Variants in EXOC6B observed in about 807,000 individuals in gnomAD.
The protein encoded by EXOC6B is SEC15 homolog B.
In EXOC6B, 54 loss-of-function variants were observed where a neutral mutation model predicts 113.5. That is an observed-to-expected ratio of 0.48 (90% confidence interval 0.38 to 0.60). EXOC6B has a LOEUF of 0.60. Among genes scored for constraint, EXOC6B ranks in the 20% least tolerant of loss-of-function variants. The pLI, the probability that EXOC6B is intolerant of heterozygous loss-of-function variation, is 0.00. For missense variants in EXOC6B, 797 were observed against 977.5 expected, an observed-to-expected ratio of 0.82 and a Z score of 2.46; for synonymous variants, 357 against 339.0, an observed-to-expected ratio of 1.05 and a Z score of -0.58.
chr2:72,762,247 A>C (rs1012562616), intron 1 of EXOC6B, among the ~76,000 whole-genome samples: 1 of 151,436 alleles, frequency 6.6e-6, no homozygotes, highest in African/African-American at 2.4e-5. Context: ...CGTCTCAAAA[A>C]AAAAAAAAAA....
chr2:72,510,594 G>T (rs959351290), intron 11 of EXOC6B, among the ~76,000 whole-genome samples: 4 of 151,154 alleles, frequency 2.6e-5, no homozygotes, highest in Non-Finnish European at 1.5e-5. Flanking sequence ...AACACAGCAT[G>T]TTCCTACTTA....
intron 1 of EXOC6B, among the ~76,000 whole-genome samples, chr2:72,769,931 C>T (rs933646818): frequency 5.3e-5 from 8 of 152,100 alleles, no homozygotes; most frequent in African/African-American, 1.4e-4. Context: ...TTCTCCACAG[C>T]AACATTGAAC....
chr2:72,301,204 A>G (rs1413403178), intron 20 of EXOC6B, among the ~76,000 whole-genome samples: 2 of 152,140 alleles, frequency 1.3e-5, no homozygotes, highest in Non-Finnish European at 2.9e-5. Flanking sequence ...CTACTTGATC[A>G]TGGTGGATTA....
At chr2:72,702,265 G>A (rs1183156460) in intron 6 of EXOC6B, among the ~76,000 whole-genome samples, 6 of 150,846 alleles carry the variant, frequency 4.0e-5, no homozygotes, top group African/African-American at 1.5e-4. Context: ...CATTTTTTAT[G>A]GCTACATAGT....
intron 20 of EXOC6B, among the ~76,000 whole-genome samples, chr2:72,298,851 C>A (rs922579510): frequency 5.3e-5 from 8 of 152,176 alleles, no homozygotes; most frequent in African/African-American, 1.9e-4. Flanking sequence ...GCAGAGAGAT[C>A]CGCTGTTAGT....
At position 72,215,921 on chromosome 2, in the gene EXOC6B, G is replaced by A. The variant is rs1361698452; in HGVS notation, c.2197-31734C>T. On this transcript the variant is annotated intron_variant, in intron 20 of 21. Transcript: ENST00000272427. ...TAGGCTGCTGAGGAAAGAAAGGGCA[G>A]CAAACCCTATTGCCTTCAGGGCACA... Among the ~76,000 whole-genome samples, 5 of 152,234 alleles carry A rather than the reference G, an allele frequency of 3.3e-5. 1 individual carries two copies. Among genetic ancestry groups the A allele is most frequent in the Admixed American group, 3.3e-4 (5 of 15,288 alleles).
chr2:72,562,537 A>G (rs993734048), intron 7 of EXOC6B, among the ~76,000 whole-genome samples: 1 of 152,096 alleles, frequency 6.6e-6, no homozygotes, highest in Non-Finnish European at 1.5e-5. Context: ...GCTAACAATA[A>G]CTTTCTAATG....
At chr2:72,487,343 T>C (rs1280474310) in intron 16 of EXOC6B, among the ~76,000 whole-genome samples, 4 of 118,066 alleles carry the variant, frequency 3.4e-5, no homozygotes, top group Non-Finnish European at 5.5e-5. Context: ...ACTGACAGTT[T>C]TTTGTTTTGT....
At chr2:72,406,696 T>A (rs945503291) in intron 18 of EXOC6B, among the ~76,000 whole-genome samples, 15 of 152,104 alleles carry the variant, frequency 9.9e-5, no homozygotes, top group African/African-American at 3.6e-4. Flanking sequence ...TGGGACACAT[T>A]CAAAGAAGTG....
intron 18 of EXOC6B, among the ~76,000 whole-genome samples, chr2:72,419,423 T>C (rs939865268): frequency 6.6e-6 from 1 of 152,222 alleles, no homozygotes; most frequent in African/African-American, 2.4e-5. Flanking sequence ...GGCTTCAAGT[T>C]ACAGTCTAGT....
chr2:72,514,591 TAAATAAATAA>T (rs1479087836), intron 10 of EXOC6B, 33 bp downstream of exon 10: 20 of 238,948 alleles, frequency 8.4e-5, no homozygotes, highest in Non-Finnish European at 1.2e-4. Flanking sequence ...AATAAATAAA[TAAATAAATAA>T]ATAAATATAT....
At chr2:72,492,664 G>GTTTTTTTTTT (rs34091533) in intron 15 of EXOC6B, among the ~76,000 whole-genome samples, 1 of 149,634 alleles carries the variant, frequency 6.7e-6, no homozygotes. Flanking sequence ...AATTCTGGCT[G>GTTTTTTTTTT]TTTTTTTTTC....
At chr2:72,328,471 G>C (rs1688260928) in intron 20 of EXOC6B, among the ~76,000 whole-genome samples, 1 of 151,958 alleles carries the variant, frequency 6.6e-6, no homozygotes, top group Non-Finnish European at 1.5e-5. Flanking sequence ...CCTGAAGAGA[G>C]ACTATGGGGA....
chr2:72,328,203 T>C (rs1399217941), intron 20 of EXOC6B, among the ~76,000 whole-genome samples: 1 of 152,098 alleles, frequency 6.6e-6, no homozygotes, highest in African/African-American at 2.4e-5. Flanking sequence ...AATACAATTT[T>C]AGCAAAACGA....
chr2:72,432,035 T>G (rs1242484972), intron 18 of EXOC6B, among the ~76,000 whole-genome samples: 1 of 152,062 alleles, frequency 6.6e-6, no homozygotes, highest in African/African-American at 2.4e-5. Flanking sequence ...TTTCTTTTTT[T>G]TCTTTTTTCT....
intron 1 of EXOC6B, among the ~76,000 whole-genome samples, chr2:72,816,693 G>T (rs761904856): frequency 9.2e-5 from 14 of 152,108 alleles, no homozygotes; most frequent in Non-Finnish European, 1.8e-4. Flanking sequence ...AGGTTCCTCA[G>T]AATTACATAT....
chr2:72,738,999 G>A (rs1381690722), intron 2 of EXOC6B, among the ~76,000 whole-genome samples: 3 of 152,096 alleles, frequency 2.0e-5, no homozygotes, highest in African/African-American at 7.2e-5. Flanking sequence ...TAAAGTATGT[G>A]CATTTAGTTT....
rs534531708 is a variant in EXOC6B at position 72,189,721 on chromosome 2, GCCCCT to G, written c.2197-5539_2197-5535del. 2.1e-3 allele frequency among the ~76,000 whole-genome samples: 311 copies of G among 150,872 alleles called. 2 individuals are homozygous for G. Among genetic ancestry groups the G allele is most frequent in the Middle Eastern group, 3.5e-3 (1 of 288 alleles). On this transcript the variant is annotated intron_variant, in intron 20 of 21. Coordinates refer to ENST00000272427, the MANE Select transcript of EXOC6B (RefSeq NM_015189.3). ...GTTATTGGCACAAACTCGCCACCGT[GCCCCT>G]CCCCTCCCCTCCCCTTCCTTCCTTT...
intron 20 of EXOC6B, among the ~76,000 whole-genome samples, chr2:72,207,959 C>A (rs1050853038): frequency 6.6e-6 from 1 of 152,148 alleles, no homozygotes; most frequent in African/African-American, 2.4e-5. Flanking sequence ...AATATATTCT[C>A]ATTTTTCGGT....
Sources: gnomAD v4.1 joint callset for allele counts (sites outside exome capture counted in the v4.1 genomes callset) on GRCh38, gnomAD v4.1.1 for gene constraint, MANE v1.5 for transcripts, NCBI Gene and HGNC (gene_info 2026-07-23, HGNC 2026-07-21) for gene names.